ECD: variants seen among roughly 807,000 people sequenced by gnomAD.
The protein encoded by ECD is ecdysoneless cell cycle regulator.
A neutral mutation model predicts 77.2 loss-of-function variants in ECD; 59 were observed. The ratio of observed to expected loss-of-function variants is 0.76; its 90% CI spans 0.62 to 0.95. The LOEUF is 0.95. Among genes scored for constraint, ECD ranks in the 40% least tolerant of loss-of-function variants. The probability of loss-of-function intolerance (pLI) is 0.00; values close to 1 mark genes in which losing one functional copy is unlikely to be tolerated. For missense variants in ECD, 704 were observed against 763.4 expected (o/e 0.92, Z 0.92); for synonymous variants, 233 against 267.4 (o/e 0.87, Z 1.26).
At position 73,164,811 on chromosome 10, in the gene ECD, G is replaced by A. The variant is rs1348603543; in HGVS notation, c.-13-861C>T. Among the ~76,000 whole-genome samples the A allele has an allele frequency of 2.6e-5, 4 of 152,164 alleles. No homozygotes were observed. The East Asian group carries it at 7.7e-4, about 29-fold the overall frequency. On this transcript the variant is annotated intron_variant, in intron 1 of 13. Coordinates refer to ENST00000372979, the MANE Select transcript of ECD (RefSeq NM_007265.3). Reference sequence around the variant, plus strand: ...CTTAAAACTTTATCTTTAAAATTACGTTAAAAGGAAACCTTGATATAATAC... The same window carrying A: ...CTTAAAACTTTATCTTTAAAATTACATTAAAAGGAAACCTTGATATAATAC...
At chr10:73,157,672 A>C (rs1165566166) in intron 3 of ECD, among the ~76,000 whole-genome samples, 2 of 151,474 alleles carry the variant, frequency 1.3e-5, no homozygotes, top group African/African-American at 2.4e-5. Flanking sequence ...CGGTGAGCCG[A>C]GATCGCACCA....
At chr10:73,159,251 C>T (rs1020448242) in intron 3 of ECD, among the ~76,000 whole-genome samples, 2 of 152,254 alleles carry the variant, frequency 1.3e-5, no homozygotes, top group Non-Finnish European at 2.9e-5. Flanking sequence ...GCTGGCAATA[C>T]GTGGTTAATT....
chr10:73,156,445 G>A lies in ECD; in HGVS notation c.420C>T (p.Phe140=). The stretch of plus-strand genomic sequence containing the variant: ...GGATAATACACAATTCCCCATGGCA[G>A]AAAAATACCTGCAAACGGTACATTT... ...DPENSTNRVF[F]CHGELCIIPA... The change falls in exon 5 of 14, where the codon TTC becomes TTT. Residue 140 remains phenylalanine (F), a synonymous_variant. Transcript: ENST00000372979. 1 of 1,608,064 alleles carries A rather than the reference G, an allele frequency of 6.2e-7. No homozygotes were observed. The highest frequency in any genetic ancestry group is 1.1e-5 in the South Asian group (1 of 89,848).
Position 73,160,679 on chromosome 10 carries a change from A to G in ECD, c.206-128T>C, listed in dbSNP as rs1843364290. The G allele has an allele frequency of 6.7e-6, 4 of 596,144 alleles. No homozygotes were observed. The South Asian group carries it at 9.4e-5, about 14-fold the overall frequency. The allele number at this position is 596,144 out of a possible 1,614,324, so 36.9% of individuals were successfully genotyped here. A position where few individuals can be genotyped will look rare whatever the true frequency, so the allele number is the denominator to read the frequency against. On this transcript the variant is annotated intron_variant, in intron 2 of 13. Coordinates refer to ENST00000372979, the MANE Select transcript of ECD (RefSeq NM_007265.3). Reference sequence around the variant, plus strand: ...CTAAGTACTGGGGAGCAGGGGTTGCAATCCTGAAGAAGAAGCCTACTCCTG... The same window carrying G: ...CTAAGTACTGGGGAGCAGGGGTTGCGATCCTGAAGAAGAAGCCTACTCCTG...
intron 7 of ECD, among the ~76,000 whole-genome samples, chr10:73,150,356 C>G (rs944900822): frequency 4.6e-5 from 7 of 152,126 alleles, no homozygotes; most frequent in African/African-American, 1.7e-4. Context: ...TTCCTTATAC[C>G]TTATACAAAA....
At chr10:73,140,968 C>A (rs1425037487) in intron 9 of ECD, among the ~76,000 whole-genome samples, 8 of 151,248 alleles carry the variant, frequency 5.3e-5, no homozygotes, top group African/African-American at 9.7e-5. Flanking sequence ...AAAAGAAGAT[C>A]CAGAAGGAAA....
intron 9 of ECD, among the ~76,000 whole-genome samples, chr10:73,142,308 C>T (rs868585822): frequency 9.2e-5 from 14 of 151,952 alleles, no homozygotes; most frequent in South Asian, 6.3e-4. Context: ...TGTGCCCGGC[C>T]TATTTGTTTA....
Position 73,146,591 on chromosome 10 carries a change from C to T in ECD, c.1042-230G>A, listed in dbSNP as rs569771826. On this transcript the variant is annotated intron_variant, in intron 8 of 13. Coordinates refer to ENST00000372979, the MANE Select transcript of ECD (RefSeq NM_007265.3). The stretch of plus-strand genomic sequence containing the variant: ...CCTAATCTTTTCCACCATTAAGGGC[C>T]TATTTCCAGTTTGGAAAGTTTTCCA... Among the ~76,000 whole-genome samples, 3 of 152,274 alleles carry T rather than the reference C, an allele frequency of 2.0e-5. No individual in the cohort carries two copies. In the South Asian group the frequency reaches 6.2e-4, roughly 32 times the overall value.
intron 12 of ECD, 88 bp downstream of exon 12, chr10:73,137,915 T>C: frequency 1.0e-6 from 1 of 970,966 alleles, no homozygotes; most frequent in Non-Finnish European, 1.4e-6. Context: ...ACATTTTGGC[T>C]TCTGAGATAT....
Position 73,136,698 on chromosome 10 carries a change from A to G in ECD, c.1704+6T>C, listed in dbSNP as rs201773546. On this transcript the variant is annotated splice_donor_region_variant and intron_variant, in intron 13 of 13. Transcript: ENST00000372979. ...AGAAAGAGAAAGAGGTTAAAAACAC[A>G]CATACCACTTGGTTCCTAGTGGTGA... 75 of 1,612,850 alleles carry G rather than the reference A, an allele frequency of 4.7e-5. No homozygotes were observed. The African/African-American group carries it at 1.0e-3, about 21-fold the overall frequency.
Position 73,134,810 on chromosome 10 carries a change from G to A in ECD, c.1708C>T (p.Pro570Ser), listed in dbSNP as rs1196753331. Residue 570 changes from proline to serine, a missense_variant, in exon 14 of 14, where the codon CCT (proline) becomes TCT (serine). Physicochemically the swap from Pro to Ser is moderately conservative, Grantham distance 74. Transcript: ENST00000372979. Reference protein sequence around the residue: ...KSFTTRNQVEPVSQTTDNNSD... With the variant: ...KSFTTRNQVESVSQTTDNNSD... The stretch of plus-strand genomic sequence containing the variant: ...TTGTTATCGGTAGTCTGGGATACAG[G>A]TTCCTTATTCATAGAGGGAAAAGAA... 6.2e-7 allele frequency: 1 copy of A among 1,613,594 alleles called. No individual in the cohort carries two copies. Among genetic ancestry groups the A allele is most frequent in the South Asian group, 1.1e-5 (1 of 91,046 alleles).
chr10:73,156,604 G>T lies in ECD; in HGVS notation c.375C>A (p.Leu125=), dbSNP rs772814274. The stretch of plus-strand genomic sequence containing the variant: ...TATTTTCAGGATCCAGCCATTTAGG[G>T]AGAAAGTCAGCAGCTTCTATTAACA... ...EFLLIEAADF[L]PKWLDPENST... Residue 125 remains leucine (L), a synonymous_variant, in exon 4 of 14, where the codon CTC becomes CTA. Coordinates refer to ENST00000372979, the MANE Select transcript of ECD (RefSeq NM_007265.3). The T allele has an allele frequency of 6.2e-7, 1 of 1,614,032 alleles. No individual in the cohort carries two copies. The highest frequency in any genetic ancestry group is 2.2e-5 in the East Asian group (1 of 44,878).
At position 73,136,806 on chromosome 10, in the gene ECD, G is replaced by C. The variant is rs1431012169; in HGVS notation, c.1602C>G (p.Ser534=). ...FETHEPGEEA[S]LKGTLDNLKS... is the part of the protein sequence containing the mutation. ...TGAGATTATCAAGTGTTCCTTTCAGGGAAGCCTCTTCGCCAGGTTCGTGTG... is the reference window on the plus strand; with the variant it reads ...TGAGATTATCAAGTGTTCCTTTCAGCGAAGCCTCTTCGCCAGGTTCGTGTG... The change falls in exon 13 of 14, where the codon TCC becomes TCG. Residue 534 remains serine, a synonymous_variant. Coordinates refer to ENST00000372979, the MANE Select transcript of ECD (RefSeq NM_007265.3). The C allele has an allele frequency of 2.5e-6, 4 of 1,613,984 alleles. No homozygotes were observed. In the East Asian group the frequency reaches 6.7e-5, roughly 27 times the overall value.
At position 73,152,359 on chromosome 10, in the gene ECD, C is replaced by G; in HGVS notation, c.846G>C (p.Arg282=). The change falls in exon 7 of 14, where the codon CGG becomes CGC. Residue 282 remains arginine (R), a synonymous_variant. Transcript: ENST00000372979. ...LVQQRFVPDR[R]SGYRLPPPSD... Reference sequence around the variant, plus strand: ...ATGGAGGAGGCAGCCTGTATCCACTCCGCCGGTCTGGCACAAACCTTTGTT... The same window carrying G: ...ATGGAGGAGGCAGCCTGTATCCACTGCGCCGGTCTGGCACAAACCTTTGTT... The G allele has an allele frequency of 6.2e-7, 1 of 1,613,958 alleles. No homozygotes were observed. Among genetic ancestry groups the G allele is most frequent in the Non-Finnish European group, 8.5e-7 (1 of 1,179,896 alleles).
chr10:73,152,529 T>C (rs1253308672), intron 6 of ECD, 108 bp from the exon 7 acceptor site: 3 of 1,294,978 alleles, frequency 2.3e-6, no homozygotes, highest in Admixed American at 4.4e-5. Flanking sequence ...TTCATATTCA[T>C]ATGAAATGCA....
chr10:73,142,294 C>T (rs1163264942), intron 9 of ECD, among the ~76,000 whole-genome samples: 2 of 151,894 alleles, frequency 1.3e-5, no homozygotes, highest in Non-Finnish European at 2.9e-5. Flanking sequence ...CAGGTGTGAG[C>T]CACTGTGCCC....
At position 73,139,395 on chromosome 10, in the gene ECD, C is replaced by G. The variant is rs776189860; in HGVS notation, c.1335G>C (p.Glu445Asp). The G allele has an allele frequency of 1.2e-6, 2 of 1,614,182 alleles. No individual in the cohort carries two copies. The highest frequency in any genetic ancestry group is 4.5e-5 in the East Asian group (2 of 44,878). ...AGACTTCAGTTAAGTCATAGTTCTG[C>G]TCCTTCTCCTCCTTGGAAACAGACT... ...ESESVSKEEKEQNYDLTEVSE... is the reference protein window; with the variant it reads ...ESESVSKEEKDQNYDLTEVSE... The change falls in exon 11 of 14, where the codon GAG becomes GAC. Residue 445 changes from glutamate (E) to aspartate (D), a missense_variant. Glu to Asp is a conservative substitution (Grantham distance 45, BLOSUM62 2). Around this residue, in one of 3 missense-constraint regions of ECD, gnomAD observed 559 missense variants for 583.7 expected, o/e 0.96. Transcript: ENST00000372979.
intron 3 of ECD, among the ~76,000 whole-genome samples, chr10:73,157,862 C>T (rs574665422): frequency 4.6e-5 from 7 of 152,026 alleles, no homozygotes; most frequent in African/African-American, 1.7e-4. Flanking sequence ...GAAATATATA[C>T]TTGTATTTTC....
At chr10:73,161,555 A>C (rs1422495045) in intron 2 of ECD, among the ~76,000 whole-genome samples, 1 of 152,254 alleles carries the variant, frequency 6.6e-6, no homozygotes, top group Non-Finnish European at 1.5e-5. Flanking sequence ...GATTGAATCA[A>C]TAATCCAAAA....
Sources: gnomAD v4.1 joint callset for allele counts (sites outside exome capture counted in the v4.1 genomes callset) on GRCh38, gnomAD v4.1.1 for gene constraint, gnomAD v4.1.1 regional missense constraint, MANE v1.5 for transcripts, NCBI Gene and HGNC (gene_info 2026-07-23, HGNC 2026-07-21) for gene names.